Variants in HS6ST3 observed in about 807,000 individuals in gnomAD.
HS6ST3 encodes the protein heparan-sulfate 6-O-sulfotransferase 3.
A neutral mutation model predicts 36.7 loss-of-function variants in HS6ST3; 12 were observed. The ratio of observed to expected loss-of-function variants is 0.33; its 90% CI spans 0.21 to 0.53. The LOEUF (loss-of-function observed/expected upper bound fraction) is 0.53. HS6ST3 is among the 20% of genes least tolerant of loss of function. HS6ST3 has a pLI of 0.95. For synonymous variants in HS6ST3, 240 were observed against 257.5 expected, an observed-to-expected ratio of 0.93 and a Z score of 0.65; for missense variants, 584 against 640.9, an observed-to-expected ratio of 0.91 and a Z score of 0.96.
chr13:96,508,689 TG>T (rs1457506090), intron 1 of HS6ST3, among the ~76,000 whole-genome samples: 2 of 152,144 alleles, frequency 1.3e-5, no homozygotes, highest in East Asian at 3.8e-4. Context: ...CCATCTAAGT[TG>T]CTACAAAAGA....
At chr13:96,375,987 G>A (rs552365252) in intron 1 of HS6ST3, among the ~76,000 whole-genome samples, 1 of 152,076 alleles carries the variant, frequency 6.6e-6, no homozygotes, top group Admixed American at 6.6e-5. Context: ...CTGGCATTTT[G>A]TTTCTTTAAT....
chr13:96,518,078 G>T (rs1420721673), intron 1 of HS6ST3, among the ~76,000 whole-genome samples: 1 of 152,010 alleles, frequency 6.6e-6, no homozygotes, highest in African/African-American at 2.4e-5. Context: ...GGAGCTGGGG[G>T]CTATTATCTT....
chr13:96,319,618 G>C (rs908306957), intron 1 of HS6ST3, among the ~76,000 whole-genome samples: 1 of 152,290 alleles, frequency 6.6e-6, no homozygotes, highest in South Asian at 2.1e-4. Context: ...TCAGCAGTGT[G>C]TGAGAGTTCC....
chr13:96,810,830 T>C (rs1430470776), intron 1 of HS6ST3, among the ~76,000 whole-genome samples: 1 of 152,194 alleles, frequency 6.6e-6, no homozygotes, highest in Non-Finnish European at 1.5e-5. Context: ...AAACACAAGA[T>C]GAACAAAACA....
At chr13:96,594,016 GCGCGATCTCAGCTCAC>G (rs979964661) in intron 1 of HS6ST3, among the ~76,000 whole-genome samples, 8 of 151,656 alleles carry the variant, frequency 5.3e-5, no homozygotes, top group Non-Finnish European at 1.2e-4. Context: ...GAGTGCAATG[GCGCGATCTCAGCTCAC>G]CGCGATCTCA....
At chr13:96,794,311 C>T (rs890697009) in intron 1 of HS6ST3, among the ~76,000 whole-genome samples, 72 of 152,116 alleles carry the variant, frequency 4.7e-4, no homozygotes, top group Non-Finnish European at 1.0e-4. Context: ...TAAGTATATG[C>T]AAAACACATC....
chr13:96,819,682 A>G (rs1428297348), intron 1 of HS6ST3, among the ~76,000 whole-genome samples: 1 of 152,174 alleles, frequency 6.6e-6, no homozygotes, highest in Non-Finnish European at 1.5e-5. Flanking sequence ...AAACAAGCAA[A>G]CTAAATGAGC....
Position 96,661,382 on chromosome 13 carries a change from C to CT in HS6ST3, c.708-171100dup, listed in dbSNP as rs572609517. On this transcript the variant is annotated intron_variant, in intron 1 of 1. Coordinates refer to ENST00000376705, the MANE Select transcript of HS6ST3 (RefSeq NM_153456.4). The stretch of plus-strand genomic sequence containing the variant: ...CTTGTTGAATTGAATCCTTTATTGT[C>CT]TTTTTTTTAACAGTTATTGAGTTAA... Among the ~76,000 whole-genome samples the CT allele has an allele frequency of 1.7e-3, 255 of 151,842 alleles. 3 individuals carry two copies. Among genetic ancestry groups the CT allele is most frequent in the East Asian group, 0.014 (74 of 5,144 alleles).
chr13:96,486,535 C>A (rs959949971), intron 1 of HS6ST3, among the ~76,000 whole-genome samples: 8 of 152,114 alleles, frequency 5.3e-5, no homozygotes, highest in Non-Finnish European at 8.8e-5. Context: ...TTGTCGTTTT[C>A]TGACTTTTTA....
intron 1 of HS6ST3, among the ~76,000 whole-genome samples, chr13:96,521,861 CTCTAA>C (rs1272692087): frequency 6.6e-6 from 1 of 152,104 alleles, no homozygotes; most frequent in Non-Finnish European, 1.5e-5. Flanking sequence ...TTCAGTTCTG[CTCTAA>C]TCTTAGTATT....
At position 96,090,775 on chromosome 13, in the gene HS6ST3, C is replaced by T; in HGVS notation, c.-88C>T. On this transcript the variant is annotated 5_prime_UTR_variant, in exon 1 of 2. Coordinates refer to ENST00000376705, the MANE Select transcript of HS6ST3 (RefSeq NM_153456.4). ...GGAACGGCGGGCTCCGAGCCGCGCC[C>T]CGGAGTCCGCGAAACTTCCGAGCGG... is the stretch of plus-strand genomic sequence containing the variant. 2 of 1,137,444 alleles carry T rather than the reference C, an allele frequency of 1.8e-6. No homozygotes were observed. The highest frequency in any genetic ancestry group is 2.3e-6 in the Non-Finnish European group (2 of 879,876). The allele number at this position is 1,137,444 out of a possible 1,614,324, so 70.5% of individuals were successfully genotyped here.
chr13:96,370,852 C>T (rs958756726), intron 1 of HS6ST3, among the ~76,000 whole-genome samples: 2 of 152,038 alleles, frequency 1.3e-5, no homozygotes, highest in Admixed American at 6.5e-5. Context: ...GAGCTGAGAT[C>T]GTGCCATTGC....
At chr13:96,241,976 G>A (rs1435191056) in intron 1 of HS6ST3, among the ~76,000 whole-genome samples, 2 of 151,410 alleles carry the variant, frequency 1.3e-5, no homozygotes, top group Non-Finnish European at 2.9e-5. Context: ...TAGCAGAGAC[G>A]GGGTTTCACC....
chr13:96,132,073 G>T (rs534752377), intron 1 of HS6ST3, among the ~76,000 whole-genome samples: 2 of 146,938 alleles, frequency 1.4e-5, no homozygotes, highest in South Asian at 4.4e-4. Flanking sequence ...CCATGTTTTT[G>T]CAAATGACAA....
intron 1 of HS6ST3, among the ~76,000 whole-genome samples, chr13:96,779,273 CA>C (rs1877468441): frequency 1.3e-5 from 2 of 151,660 alleles, no homozygotes; most frequent in Admixed American, 1.3e-4. Flanking sequence ...ACCTATGTAA[CA>C]AACCTGCAAG....
intron 1 of HS6ST3, among the ~76,000 whole-genome samples, chr13:96,154,056 T>C (rs531510911): frequency 3.1e-4 from 47 of 152,274 alleles, no homozygotes; most frequent in Non-Finnish European, 5.7e-4. Flanking sequence ...GTTATGAGAA[T>C]AAAATGAGAT....
At chr13:96,634,732 A>T (rs1213241517) in intron 1 of HS6ST3, among the ~76,000 whole-genome samples, 2 of 152,064 alleles carry the variant, frequency 1.3e-5, no homozygotes, top group Admixed American at 1.3e-4. Context: ...TCTGAAATAT[A>T]TTCTCATCAT....
rs539325831 is a variant in HS6ST3, at chr13:96,090,171, T to C, written c.-692T>C. On this transcript the variant is annotated 5_prime_UTR_variant, in exon 1 of 2. Transcript: ENST00000376705. Reference sequence around the variant, plus strand: ...GCGAGTGTGTCTGCGTGCCTGCGCCTGGGCGGACAGCCCGGAGCGGCAGTG... The same window carrying C: ...GCGAGTGTGTCTGCGTGCCTGCGCCCGGGCGGACAGCCCGGAGCGGCAGTG... Among the ~76,000 whole-genome samples the C allele has an allele frequency of 6.6e-6, 1 of 152,056 alleles. No individual in the cohort carries two copies. The highest frequency in any genetic ancestry group is 6.5e-5 in the Admixed American group (1 of 15,282).
intron 1 of HS6ST3, among the ~76,000 whole-genome samples, chr13:96,237,880 T>G (rs2054542061): frequency 6.6e-6 from 1 of 152,190 alleles, no homozygotes; most frequent in Admixed American, 6.5e-5. Context: ...CTCGATGACT[T>G]TTCATTGTTC....
Sources: allele counts gnomAD v4.1 joint callset (sites outside exome capture counted in the v4.1 genomes callset), GRCh38; gene constraint gnomAD v4.1.1; transcripts MANE v1.5; gene names NCBI Gene and HGNC (gene_info 2026-07-23, HGNC 2026-07-21).